The following DPY19L1 variants were observed in gnomAD, a reference collection of about 807,000 sequenced individuals.
The protein encoded by DPY19L1 is protein C-mannosyl-transferase DPY19L1.
A neutral mutation model predicts 96.9 loss-of-function variants in DPY19L1; 35 were observed. That is an observed-to-expected ratio of 0.36 (90% CI 0.28 to 0.48). DPY19L1 has a LOEUF of 0.48. DPY19L1 is among the 20% of genes least tolerant of loss of function. The probability of loss-of-function intolerance (pLI) is 0.99; values close to 1 mark genes in which losing one functional copy is unlikely to be tolerated. For synonymous variants in DPY19L1, 205 were observed against 252.6 expected, an observed-to-expected ratio of 0.81 and a Z score of 1.79; for missense variants, 521 against 777.9, an observed-to-expected ratio of 0.67 and a Z score of 3.93.
intron 21 of DPY19L1, among the ~76,000 whole-genome samples, chr7:34,937,679 C>T (rs902335984): frequency 1.3e-5 from 2 of 152,116 alleles, no homozygotes; most frequent in Non-Finnish European, 2.9e-5. Flanking sequence ...CACGCCTGTA[C>T]TCCCAGCACT....
chr7:35,032,356 A>T (rs564889002), intron 1 of DPY19L1, among the ~76,000 whole-genome samples: 1 of 152,234 alleles, frequency 6.6e-6, no homozygotes, highest in South Asian at 2.1e-4. Flanking sequence ...TGTGCCTCAG[A>T]TTCCCCCCAC....
chr7:34,984,123 G>A (rs1784997925), intron 7 of DPY19L1, among the ~76,000 whole-genome samples: 1 of 152,152 alleles, frequency 6.6e-6, no homozygotes, highest in South Asian at 2.1e-4. Context: ...ATGAAGGCAA[G>A]ATAACATTTT....
intron 10 of DPY19L1, among the ~76,000 whole-genome samples, chr7:34,965,872 C>T (rs761637886): frequency 6.6e-6 from 1 of 152,094 alleles, no homozygotes; most frequent in Non-Finnish European, 1.5e-5. Context: ...TCTTTGATAT[C>T]TACTTGGCTA....
At chr7:34,942,282 T>C (rs1271993181) in intron 17 of DPY19L1, among the ~76,000 whole-genome samples, 1 of 152,104 alleles carries the variant, frequency 6.6e-6, no homozygotes, top group Non-Finnish European at 1.5e-5. Context: ...CAGTAACCAA[T>C]CACATCTCTG....
At chr7:35,024,400 T>C (rs1273597420) in intron 1 of DPY19L1, among the ~76,000 whole-genome samples, 1 of 152,214 alleles carries the variant, frequency 6.6e-6, no homozygotes, top group African/African-American at 2.4e-5. Context: ...TTCTCACTGT[T>C]ACAAGGGTTC....
intron 13 of DPY19L1, among the ~76,000 whole-genome samples, chr7:34,951,675 G>A (rs924948374): frequency 1.3e-5 from 2 of 151,808 alleles, no homozygotes; most frequent in African/African-American, 4.8e-5. Flanking sequence ...GTAAGAATAA[G>A]AATGAGGACA....
chr7:34,931,979 G>A (rs1054624171), intron 21 of DPY19L1, among the ~76,000 whole-genome samples: 13 of 152,102 alleles, frequency 8.5e-5, no homozygotes, highest in African/African-American at 3.1e-4. Flanking sequence ...CAGGTGTTGC[G>A]GAAAGAGACA....
intron 13 of DPY19L1, among the ~76,000 whole-genome samples, chr7:34,953,094 G>A (rs1784302557): frequency 6.6e-6 from 1 of 152,112 alleles, no homozygotes; most frequent in Admixed American, 6.5e-5. Context: ...GGGGCGGACA[G>A]CTAAAAACCT....
chr7:34,999,259 T>C lies in DPY19L1; in HGVS notation c.765-9318A>G, dbSNP rs559865910. On this transcript the variant is annotated intron_variant, in intron 6 of 21. Transcript: ENST00000638088. ...CACACAAAAGGAACTAATGGTAGAA[T>C]AGCACCAGACTTTTGAAAAGCTACA... Among the ~76,000 whole-genome samples the C allele has an allele frequency of 7.9e-5, 12 of 152,258 alleles. No individual in the cohort carries two copies. The South Asian group carries it at 1.0e-3, about 13-fold the overall frequency.
chr7:35,006,424 T>C (rs1366300726), intron 6 of DPY19L1, among the ~76,000 whole-genome samples: 1 of 152,164 alleles, frequency 6.6e-6, no homozygotes, highest in Non-Finnish European at 1.5e-5. Context: ...TAAGCATATA[T>C]GAATTTCCTC....
At chr7:35,007,084 A>G (rs1785578146) in intron 6 of DPY19L1, among the ~76,000 whole-genome samples, 1 of 152,164 alleles carries the variant, frequency 6.6e-6, no homozygotes, top group African/African-American at 2.4e-5. Context: ...AAGGAAGAAA[A>G]TATTAAGAAC....
In DPY19L1 at chr7:34,952,951, T is replaced by C. The variant is rs1784299570; in HGVS notation, c.1320+1747A>G. The stretch of plus-strand genomic sequence containing the variant: ...GGAGTCTGTGGCATTTTTACCTAGG[T>C]TGCTCCCATCCACCTCAGCACCACC... On this transcript the variant is annotated intron_variant, in intron 13 of 21. Coordinates refer to ENST00000638088, the MANE Select transcript of DPY19L1 (RefSeq NM_001366673.1). Among the ~76,000 whole-genome samples, 4 of 152,236 alleles carry C rather than the reference T, an allele frequency of 2.6e-5. 1 individual carries two copies. The South Asian group carries it at 8.3e-4, about 32-fold the overall frequency.
intron 7 of DPY19L1, among the ~76,000 whole-genome samples, chr7:34,982,756 G>A (rs1487726952): frequency 1.3e-5 from 2 of 152,172 alleles, no homozygotes; most frequent in East Asian, 3.8e-4. Flanking sequence ...TGTTGTGACA[G>A]CCACCCCTCC....
chr7:35,010,231 A>G (rs910311689), intron 6 of DPY19L1, among the ~76,000 whole-genome samples: 7 of 151,248 alleles, frequency 4.6e-5, no homozygotes, highest in African/African-American at 1.5e-4. Context: ...CCCTGTCTCA[A>G]AAAAAAAAGT....
At position 35,011,464 on chromosome 7, in the gene DPY19L1, T is replaced by C. The variant is rs769645203; in HGVS notation, c.550-14A>G. The C allele has an allele frequency of 5.2e-5, 83 of 1,585,338 alleles. No homozygotes were observed. The highest frequency in any genetic ancestry group is 2.0e-5 in the Admixed American group (1 of 51,040). On this transcript the variant is annotated splice_polypyrimidine_tract_variant and intron_variant, in intron 4 of 21. Transcript: ENST00000638088. ...GGCCAAAATTACCTATTTTAAAAAA[T>C]ACAGAGGCATCTTAAGAAAATATAC...
In DPY19L1 at chr7:35,037,127, G is replaced by C. The variant is rs1185452463; in HGVS notation, c.268C>G (p.Arg90Gly). The part of the protein sequence containing the change: ...RWALGLRRAG[R>G]GRTWTTLLLA... ...AGGAGCGTGGTCCAGGTCCGGCCGC[G>C]CCCCGCGCGCCGCAGGCCCAGCGCC... The change falls in exon 1 of 22, where the codon CGC becomes GGC. Residue 90 changes from arginine (R) to glycine (G), a missense_variant. By Grantham distance (125) the Arg-to-Gly change is moderately radical. Transcript: ENST00000638088. 2.0e-5 allele frequency: 4 copies of C among 201,090 alleles called. No homozygotes were observed. Among genetic ancestry groups the C allele is most frequent in the African/African-American group, 9.5e-5 (4 of 42,010 alleles). 12.5% of individuals were successfully genotyped at this position (201,090 alleles called of 1,614,324 possible).
chr7:35,031,719 C>T (rs184962770), intron 1 of DPY19L1, among the ~76,000 whole-genome samples: 1 of 152,266 alleles, frequency 6.6e-6, no homozygotes, highest in East Asian at 1.9e-4. Flanking sequence ...ATAAACTAAA[C>T]TTATCAAATT....
At chr7:35,020,956 G>A (rs940568001) in intron 1 of DPY19L1, among the ~76,000 whole-genome samples, 2 of 152,102 alleles carry the variant, frequency 1.3e-5, no homozygotes, top group Non-Finnish European at 1.5e-5. Flanking sequence ...TGATCTGCCC[G>A]CCTCAGCCTC....
At chr7:34,974,429 T>C (rs1204247061) in intron 7 of DPY19L1, among the ~76,000 whole-genome samples, 10 of 152,210 alleles carry the variant, frequency 6.6e-5, no homozygotes, top group Non-Finnish European at 8.8e-5. Flanking sequence ...GTGTTTCCTA[T>C]ATTTTCGCTG....
Sources: allele counts gnomAD v4.1 joint callset (sites outside exome capture counted in the v4.1 genomes callset), GRCh38; gene constraint gnomAD v4.1.1; transcripts MANE v1.5; gene names NCBI Gene and HGNC (gene_info 2026-07-23, HGNC 2026-07-21).